SYTL2: variants seen among roughly 807,000 people sequenced by gnomAD.
SYTL2 encodes the protein synaptotagmin like 2.
Under a neutral mutation model 198.7 loss-of-function variants are expected in SYTL2, and 165 were observed. The observed-to-expected ratio is 0.83, with a 90% CI of 0.73 to 0.94. SYTL2 has a LOEUF of 0.94. SYTL2 is among the 40% of genes least tolerant of loss of function. The probability of loss-of-function intolerance (pLI) is 0.00; values close to 1 mark genes in which losing one functional copy is unlikely to be tolerated. For synonymous variants in SYTL2, 966 were observed against 917.7 expected (o/e 1.05, Z -0.95); for missense variants, 2,835 against 2,582.8 (o/e 1.10, Z -2.12).
chr11:85,787,294 G>A (rs1328202877), intron 1 of SYTL2, among the ~76,000 whole-genome samples: 1 of 152,172 alleles, frequency 6.6e-6, no homozygotes, highest in Non-Finnish European at 1.5e-5. Context: ...AAAAGGCCTT[G>A]CTCAATGTCA....
intron 1 of SYTL2, among the ~76,000 whole-genome samples, chr11:85,808,255 TG>T (rs1165446214): frequency 2.0e-5 from 3 of 151,914 alleles, no homozygotes; most frequent in Middle Eastern, 3.2e-3. Context: ...TTAGTAGAGA[TG>T]GGGTTTCACT....
the SYTL2 span, among the ~76,000 whole-genome samples, chr11:85,834,300 C>G: frequency 2.0e-5 from 3 of 152,084 alleles, no homozygotes; most frequent in African/African-American, 7.2e-5. Flanking sequence ...ATATGTTGCA[C>G]ATATTTTCTT....
At chr11:85,703,934 G>T (rs190622344) in intron 16 of SYTL2, among the ~76,000 whole-genome samples, 2 of 151,938 alleles carry the variant, frequency 1.3e-5, no homozygotes, top group African/African-American at 4.8e-5. Flanking sequence ...AAAGAAAAAT[G>T]AAAATAAACT....
rs570172257 is a variant in SYTL2 at position 85,726,286 on chromosome 11, G to A, written c.3072C>T (p.Ser1024=). The part of the protein sequence containing the change: ...PFNRQKHKEF[S]DIKLSGKNTH... ...TATTTTTACCTGATAATTTAATGTC[G>A]CTGAATTCCTTGTGTTTCTGCCTAT... Residue 1024 remains serine (S), a synonymous_variant, in exon 8 of 20, where the codon AGC becomes AGT. Transcript: ENST00000359152. 5.5e-5 allele frequency: 88 copies of A among 1,613,842 alleles called. No individual in the cohort carries two copies. Among genetic ancestry groups the A allele is most frequent in the South Asian group, 2.5e-4 (23 of 91,036 alleles).
At chr11:85,854,401 G>C in the SYTL2 span, 3 of 151,754 alleles carry the variant, frequency 2.0e-5, no homozygotes, top group Non-Finnish European at 4.4e-5. Context: ...AACTTTAAAG[G>C]CTGTACGTGT....
intron 6 of SYTL2, 21 bp from the exon 7 acceptor site, chr11:85,734,763 G>C: frequency 6.4e-7 from 1 of 1,556,072 alleles, no homozygotes; most frequent in Non-Finnish European, 8.8e-7. Flanking sequence ...AAACACAGTA[G>C]GTGATATATC....
the SYTL2 span, among the ~76,000 whole-genome samples, chr11:85,851,127 G>T: frequency 1.3e-5 from 2 of 151,884 alleles, no homozygotes; most frequent in African/African-American, 4.8e-5. Flanking sequence ...GTATACATAT[G>T]TATCTAACCT....
chr11:85,844,598 A>G, the SYTL2 span, among the ~76,000 whole-genome samples: 1 of 152,190 alleles, frequency 6.6e-6, no homozygotes, highest in Non-Finnish European at 1.5e-5. Context: ...AAGACTTCAG[A>G]GATTAGGCAA....
chr11:85,707,930 A>C, intron 14 of SYTL2: 1 of 227,068 alleles, frequency 4.4e-6, no homozygotes, highest in Non-Finnish European at 8.8e-6. Context: ...ACCAACATGG[A>C]AAAACCCCAT....
At chr11:85,712,697 C>T (rs975598769) in intron 12 of SYTL2, among the ~76,000 whole-genome samples, 18 of 127,826 alleles carry the variant, frequency 1.4e-4, no homozygotes, top group Non-Finnish European at 2.0e-4. Flanking sequence ...AATACATATA[C>T]ACACACACAC....
At chr11:85,818,804 C>T in the SYTL2 span, among the ~76,000 whole-genome samples, 2 of 152,110 alleles carry the variant, frequency 1.3e-5, no homozygotes, top group African/African-American at 4.8e-5. Flanking sequence ...ATTCCTCCCA[C>T]CTCAGCCTCC....
At chr11:85,766,087 T>C (rs2092230963) in intron 1 of SYTL2, among the ~76,000 whole-genome samples, 1 of 152,112 alleles carries the variant, frequency 6.6e-6, no homozygotes, top group African/African-American at 2.4e-5. Context: ...GAGGTAGGCA[T>C]TCTGGGCAAG....
At chr11:85,798,035 T>C (rs527738103) in intron 1 of SYTL2, among the ~76,000 whole-genome samples, 2 of 151,414 alleles carry the variant, frequency 1.3e-5, no homozygotes, top group East Asian at 3.9e-4. Context: ...TTTTTTTCAT[T>C]TTCAATAGAG....
At chr11:85,715,665 C>T (rs1330110596) in intron 11 of SYTL2, among the ~76,000 whole-genome samples, 1 of 152,082 alleles carries the variant, frequency 6.6e-6, no homozygotes, top group Non-Finnish European at 1.5e-5. Flanking sequence ...CCTTAGGCTC[C>T]CATAGGTAAA....
At chr11:85,766,016 G>T (rs2092229404) in intron 1 of SYTL2, among the ~76,000 whole-genome samples, 1 of 152,170 alleles carries the variant, frequency 6.6e-6, no homozygotes, top group Admixed American at 6.5e-5. Flanking sequence ...GTGTCAGGTA[G>T]GCCACAGAGA....
chr11:85,806,449 A>T (rs1036192296), intron 1 of SYTL2, among the ~76,000 whole-genome samples: 6 of 152,270 alleles, frequency 3.9e-5, no homozygotes, highest in African/African-American at 1.4e-4. Context: ...TTAGTGAAAC[A>T]CATGGCTTTA....
the SYTL2 span, among the ~76,000 whole-genome samples, chr11:85,831,354 T>TCAG: frequency 3.9e-5 from 6 of 152,324 alleles, no homozygotes; most frequent in Non-Finnish European, 5.9e-5. Flanking sequence ...AGATTAACCT[T>TCAG]CAGCAAATAT....
At chr11:85,834,359 T>C in the SYTL2 span, among the ~76,000 whole-genome samples, 2 of 152,202 alleles carry the variant, frequency 1.3e-5, no homozygotes, top group Non-Finnish European at 2.9e-5. Context: ...TTCTAAGTTT[T>C]TCATTCTTTT....
intron 2 of SYTL2, 89 bp from the exon 3 acceptor site, chr11:85,748,512 C>G: frequency 7.3e-7 from 1 of 1,363,152 alleles, no homozygotes; most frequent in Non-Finnish European, 1.0e-6. Context: ...TGTGTAAACA[C>G]ACAGATAAAA....
Sources: gnomAD v4.1 joint callset for allele counts (sites outside exome capture counted in the v4.1 genomes callset) on GRCh38, gnomAD v4.1.1 for gene constraint, MANE v1.5 for transcripts, NCBI Gene and HGNC (gene_info 2026-07-23, HGNC 2026-07-21) for gene names.